The following GLI3 variants were observed in gnomAD, a reference collection of about 807,000 sequenced individuals.
GLI3 encodes the protein GLI family zinc finger 3.
Under a neutral mutation model 100.8 loss-of-function variants are expected in GLI3, and 20 were observed. The ratio of observed to expected loss-of-function variants is 0.20; its 90% CI spans 0.14 to 0.29. The LOEUF (loss-of-function observed/expected upper bound fraction) is 0.29. Among genes scored for constraint, GLI3 ranks in the 10% least tolerant of loss-of-function variants. The probability of loss-of-function intolerance (pLI) is 1.00; values close to 1 mark genes in which losing one functional copy is unlikely to be tolerated. For missense variants in GLI3, 2,040 were observed against 2,128.5 expected, an observed-to-expected ratio of 0.96 and a Z score of 0.82; for synonymous variants, 938 against 860.5, an observed-to-expected ratio of 1.09 and a Z score of -1.58.
intron 7 of GLI3, among the ~76,000 whole-genome samples, chr7:42,039,187 C>T (rs1000646999): frequency 1.3e-5 from 2 of 152,172 alleles, no homozygotes; most frequent in Non-Finnish European, 2.9e-5. Context: ...CATTTGTGAG[C>T]TGGCTTAGTT....
intron 1 of GLI3, among the ~76,000 whole-genome samples, chr7:42,255,082 T>C (rs964652350): frequency 6.6e-6 from 1 of 152,014 alleles, no homozygotes; most frequent in Non-Finnish European, 1.5e-5. Context: ...TTCTGTTTTT[T>C]TTTTTGCATC....
chr7:42,231,789 GA>G (rs1376996132), intron 1 of GLI3, among the ~76,000 whole-genome samples: 1 of 151,904 alleles, frequency 6.6e-6, no homozygotes, highest in Non-Finnish European at 1.5e-5. Flanking sequence ...ACTGCAATTT[GA>G]AACTTATCTT....
At chr7:42,212,866 G>C (rs1788297011) in intron 2 of GLI3, among the ~76,000 whole-genome samples, 1 of 152,190 alleles carries the variant, frequency 6.6e-6, no homozygotes, top group Non-Finnish European at 1.5e-5. Flanking sequence ...CCTTCAAGGG[G>C]AACAGAGAGC....
chr7:42,197,012 C>T (rs775363271), intron 2 of GLI3, among the ~76,000 whole-genome samples: 2 of 152,112 alleles, frequency 1.3e-5, no homozygotes, highest in South Asian at 2.1e-4. Context: ...AAGTTTTATC[C>T]TCTGGATTTT....
In GLI3 at chr7:42,252,312, A is replaced by C. The variant is rs551641863; in HGVS notation, c.-43+11682T>G. Among the ~76,000 whole-genome samples, 139 of 152,278 alleles carry C rather than the reference A, an allele frequency of 9.1e-4. 1 individual carries two copies. Among genetic ancestry groups the C allele is most frequent in the Middle Eastern group, 3.4e-3 (1 of 294 alleles). ...ACAGTGAGAACCAATGAACACATAG[A>C]GGGGAACAACAGACACTGGGACCTA... On this transcript the variant is annotated intron_variant, in intron 1 of 2. Coordinates refer to the GLI3 transcript ENST00000678978.
At chr7:42,256,180 A>G (rs1472040454) in intron 1 of GLI3, among the ~76,000 whole-genome samples, 1 of 152,120 alleles carries the variant, frequency 6.6e-6, no homozygotes, top group East Asian at 1.9e-4. Context: ...AGAGTTCTTT[A>G]CATATTCCAG....
chr7:42,168,901 A>G (rs1157731966), intron 2 of GLI3, among the ~76,000 whole-genome samples: 1 of 152,140 alleles, frequency 6.6e-6, no homozygotes, highest in Non-Finnish European at 1.5e-5. Context: ...CTGGACAATG[A>G]AGTGAAATCC....
At chr7:42,165,677 A>G (rs192385752) in intron 2 of GLI3, among the ~76,000 whole-genome samples, 4 of 152,326 alleles carry the variant, frequency 2.6e-5, no homozygotes, top group Admixed American at 6.5e-5. Flanking sequence ...AGTGATATCA[A>G]GTCTTGAACT....
intron 1 of GLI3, among the ~76,000 whole-genome samples, chr7:42,236,663 G>A (rs1452277495): frequency 6.6e-6 from 1 of 152,222 alleles, no homozygotes; most frequent in Non-Finnish European, 1.5e-5. Flanking sequence ...GGATGGGGGC[G>A]GAGGCGAGGG....
intron 10 of GLI3, among the ~76,000 whole-genome samples, chr7:42,011,714 T>C (rs560973054): frequency 2.1e-4 from 32 of 151,954 alleles, no homozygotes; most frequent in South Asian, 4.2e-4. Context: ...AATAAACAAA[T>C]CCATAGAGAC....
chr7:42,094,816 C>T (rs1785303009), intron 3 of GLI3, among the ~76,000 whole-genome samples: 1 of 152,122 alleles, frequency 6.6e-6, no homozygotes, highest in Non-Finnish European at 1.5e-5. Context: ...CCCACGGATT[C>T]CCAAAAGCCT....
At position 42,045,442 on chromosome 7, in the gene GLI3, G is replaced by A. The variant is rs745758384; in HGVS notation, c.768C>T (p.Pro256=). The change falls in exon 6 of 15, where the codon CCC becomes CCT. Residue 256 remains proline, a synonymous_variant. Transcript: ENST00000395925. Reference sequence around the variant, plus strand: ...CCCCCGTGCCGGCGGTGGCAGCTGAGGGAATAATGTCTGCATAGGGGCTGC... The same window carrying A: ...CCCCCGTGCCGGCGGTGGCAGCTGAAGGAATAATGTCTGCATAGGGGCTGC... ...GQRSPYADII[P]SAATAGTGAI... 4 of 1,613,942 alleles carry A rather than the reference G, an allele frequency of 2.5e-6. No homozygotes were observed. The highest frequency in any genetic ancestry group is 1.7e-5 in the Admixed American group (1 of 60,028).
chr7:42,046,529 G>A (rs558981878), intron 5 of GLI3, among the ~76,000 whole-genome samples: 2 of 152,264 alleles, frequency 1.3e-5, no homozygotes, highest in African/African-American at 4.8e-5. Flanking sequence ...ATATTAACTG[G>A]ATTCTTGAGA....
In GLI3 at chr7:42,144,313, C is replaced by G. The variant is rs148054043; in HGVS notation, c.367+3913G>C. Among the ~76,000 whole-genome samples the G allele has an allele frequency of 3.1e-4, 47 of 152,252 alleles. No homozygotes were observed. The East Asian group carries it at 8.5e-3, about 28-fold the overall frequency. ...ATCAGGTCCTCCAATCTAACCCCTACCACGCTCCCCCAAATTATAAAGCGC... is the reference window on the plus strand; with the variant it reads ...ATCAGGTCCTCCAATCTAACCCCTAGCACGCTCCCCCAAATTATAAAGCGC... On this transcript the variant is annotated intron_variant, in intron 3 of 14. Transcript: ENST00000395925.
chr7:42,196,584 C>A (rs187439180), intron 2 of GLI3, among the ~76,000 whole-genome samples: 1 of 152,198 alleles, frequency 6.6e-6, no homozygotes, highest in Non-Finnish European at 1.5e-5. Flanking sequence ...TTAAAGAGGT[C>A]ACCACCTTTG....
intron 2 of GLI3, among the ~76,000 whole-genome samples, chr7:42,200,999 C>G (rs1208265937): frequency 6.6e-6 from 1 of 152,104 alleles, no homozygotes; most frequent in Non-Finnish European, 1.5e-5. Context: ...AGTAGTCCCC[C>G]CTTATCCTCC....
At chr7:42,163,035 T>C (rs1330520879) in intron 2 of GLI3, among the ~76,000 whole-genome samples, 3 of 145,970 alleles carry the variant, frequency 2.1e-5, no homozygotes, top group Non-Finnish European at 3.0e-5. Context: ...AAACTTGGAA[T>C]TTCCTGTCAA....
chr7:42,128,554 T>C (rs1786192196), intron 3 of GLI3, among the ~76,000 whole-genome samples: 1 of 152,230 alleles, frequency 6.6e-6, no homozygotes, highest in Non-Finnish European at 1.5e-5. Flanking sequence ...ATTAAATTCA[T>C]TTATTTTCAG....
chr7:41,991,869 G>A (rs1787996309), intron 10 of GLI3, among the ~76,000 whole-genome samples: 1 of 152,178 alleles, frequency 6.6e-6, no homozygotes, highest in Admixed American at 6.6e-5. Context: ...ACAATGTGTT[G>A]GAAAATGGTG....
Sources: allele counts gnomAD v4.1 joint callset (sites outside exome capture counted in the v4.1 genomes callset), GRCh38; gene constraint gnomAD v4.1.1; transcripts MANE v1.5; gene names NCBI Gene and HGNC (gene_info 2026-07-23, HGNC 2026-07-21).